The following TMEM161B variants were observed in gnomAD, a reference collection of about 807,000 sequenced individuals.
The protein encoded by TMEM161B is transmembrane protein 161B.
A neutral mutation model predicts 61.8 loss-of-function variants in TMEM161B; 34 were observed. The ratio of observed to expected loss-of-function variants is 0.55; its 90% CI spans 0.42 to 0.73. TMEM161B has a LOEUF of 0.73. Among genes scored for constraint, TMEM161B ranks in the 30% least tolerant of loss-of-function variants. The pLI is 0.00. For synonymous variants in TMEM161B, 167 were observed against 192.8 expected, an observed-to-expected ratio of 0.87 and a Z score of 1.11; for missense variants, 456 against 558.5, an observed-to-expected ratio of 0.82 and a Z score of 1.85.
chr5:88,189,253 T>C (rs1051019835), downstream of TMEM161B, among the ~76,000 whole-genome samples: 2 of 151,922 alleles, frequency 1.3e-5, no homozygotes, highest in African/African-American at 4.8e-5. Flanking sequence ...CTGAAGAAGG[T>C]CAGTTGAAGT....
intron 1 of TMEM161B, among the ~76,000 whole-genome samples, chr5:88,248,923 A>G (rs1024263076): frequency 1.3e-5 from 2 of 152,096 alleles, no homozygotes; most frequent in Non-Finnish European, 2.9e-5. Flanking sequence ...TCTGGCTTTT[A>G]AGCCTTCTTT....
intron 1 of TMEM161B, among the ~76,000 whole-genome samples, chr5:88,261,670 G>GAA (rs376436239): frequency 1.2e-4 from 3 of 25,734 alleles, no homozygotes; most frequent in Non-Finnish European, 2.4e-4. Flanking sequence ...ATACAATGGA[G>GAA]AAAAAAAAAA....
downstream of TMEM161B, among the ~76,000 whole-genome samples, chr5:88,192,069 C>CAA (rs5869419): frequency 0.011 from 1,041 of 90,598 alleles, 32 homozygotes; most frequent in Admixed American, 0.035. Flanking sequence ...TTTAAAGATG[C>CAA]AAAAAAAAAA....
chr5:88,259,410 A>C (rs1349898637), intron 1 of TMEM161B: 2 of 152,224 alleles, frequency 1.3e-5, no homozygotes, highest in East Asian at 3.8e-4. Context: ...AAGTGGAAAG[A>C]AGAGTCCTCA....
Position 88,220,600 on chromosome 5 carries a change from T to C in TMEM161B, c.409A>G (p.Ser137Gly), listed in dbSNP as rs1748729286. 1 of 1,598,098 alleles carries C rather than the reference T, an allele frequency of 6.3e-7. No individual in the cohort carries two copies. The highest frequency in any genetic ancestry group is 8.5e-7 in the Non-Finnish European group (1 of 1,175,544). Reference protein sequence around the residue: ...FMKPTQEMNISLVWCLLVLSF... With the variant: ...FMKPTQEMNIGLVWCLLVLSF... ...AAAACAAGTAGGCACCAGACTAAGC[T>C]GATATTCATTTCCTGTGTAGGCTTC... is the stretch of plus-strand genomic sequence containing the variant. The change falls in exon 5 of 12, where the codon AGC (serine) becomes GGC (glycine). Residue 137 changes from serine (S) to glycine (G), a missense_variant. Ser to Gly is a moderately conservative substitution (Grantham distance 56). Transcript: ENST00000296595.
At chr5:88,255,631 T>C (rs1274809037) in intron 1 of TMEM161B, among the ~76,000 whole-genome samples, 3 of 152,224 alleles carry the variant, frequency 2.0e-5, no homozygotes, top group Non-Finnish European at 4.4e-5. Context: ...CTCAGATTTA[T>C]CTATTTCCAA....
intron 3 of TMEM161B, among the ~76,000 whole-genome samples, chr5:88,227,336 C>T (rs1750225246): frequency 1.3e-5 from 2 of 152,174 alleles, no homozygotes. Flanking sequence ...ATTTGGGCAA[C>T]TCATTTAACA....
intron 1 of TMEM161B, among the ~76,000 whole-genome samples, chr5:88,266,133 T>C (rs943469679): frequency 3.3e-5 from 5 of 152,240 alleles, no homozygotes; most frequent in African/African-American, 1.2e-4. Context: ...TTCTCCTTCA[T>C]TCATAATACA....
At chr5:88,250,047 C>T (rs1217351762) in intron 1 of TMEM161B, among the ~76,000 whole-genome samples, 1 of 152,122 alleles carries the variant, frequency 6.6e-6, no homozygotes, top group Non-Finnish European at 1.5e-5. Flanking sequence ...CATGATAGAA[C>T]AACACAGAAA....
chr5:88,196,711 A>C (rs527569074), intron 11 of TMEM161B, among the ~76,000 whole-genome samples: 24 of 152,184 alleles, frequency 1.6e-4, no homozygotes, highest in Non-Finnish European at 3.4e-4. Context: ...TTAAAGCAAA[A>C]AGTCTGATAT....
chr5:88,268,502 C>T (rs534086255), intron 1 of TMEM161B, among the ~76,000 whole-genome samples: 1 of 152,328 alleles, frequency 6.6e-6, no homozygotes, highest in South Asian at 2.1e-4. Flanking sequence ...GACAGATACG[C>T]CCCTGCCTCC....
At chr5:88,212,377 T>C (rs1746991030) in intron 5 of TMEM161B, among the ~76,000 whole-genome samples, 1 of 152,116 alleles carries the variant, frequency 6.6e-6, no homozygotes, top group Admixed American at 6.5e-5. Context: ...CAAGGACAAG[T>C]AGGACAATTT....
intron 2 of TMEM161B, among the ~76,000 whole-genome samples, chr5:88,235,712 T>C (rs907427258): frequency 3.3e-5 from 5 of 152,192 alleles, no homozygotes; most frequent in African/African-American, 1.2e-4. Context: ...TGGTACTTTG[T>C]AATAGCAGCC....
chr5:88,190,325 A>G (rs1266614077), downstream of TMEM161B: 14 of 694,792 alleles, frequency 2.0e-5, no homozygotes, highest in Middle Eastern at 7.3e-4. Flanking sequence ...GAGATGTAGA[A>G]ATACTGGCCT....
At chr5:88,215,070 G>GA (rs1230054787) in intron 5 of TMEM161B, among the ~76,000 whole-genome samples, 1 of 152,210 alleles carries the variant, frequency 6.6e-6, no homozygotes, top group Non-Finnish European at 1.5e-5. Context: ...AATGACCATG[G>GA]AAGTTAAATA....
At chr5:88,214,475 A>T (rs1436727232) in intron 5 of TMEM161B, among the ~76,000 whole-genome samples, 3 of 152,140 alleles carry the variant, frequency 2.0e-5, no homozygotes, top group Non-Finnish European at 4.4e-5. Flanking sequence ...TATACATTGT[A>T]AAATATTTTC....
chr5:88,258,935 C>T (rs1451249187), intron 1 of TMEM161B, among the ~76,000 whole-genome samples: 1 of 152,140 alleles, frequency 6.6e-6, no homozygotes. Flanking sequence ...AAGTATTAAT[C>T]TTACTTTAAA....
intron 1 of TMEM161B, among the ~76,000 whole-genome samples, chr5:88,263,030 A>C (rs1755883961): frequency 6.6e-6 from 1 of 152,184 alleles, no homozygotes; most frequent in Non-Finnish European, 1.5e-5. Context: ...TGGAAAGTTG[A>C]CAGTAAATAA....
chr5:88,230,261 T>C lies in TMEM161B; in HGVS notation c.108-1733A>G, dbSNP rs145801630. 2.5e-3 allele frequency among the ~76,000 whole-genome samples: 374 copies of C among 152,216 alleles called. 3 individuals carry two copies. Among genetic ancestry groups the C allele is most frequent in the African/African-American group, 8.5e-3 (355 of 41,528 alleles). On this transcript the variant is annotated intron_variant, in intron 2 of 11. Transcript: ENST00000296595. ...GGCAATCTGAGTACCCACTGAATAT[T>C]TGATTACATTAAAAAATTTTAGGTA...
Sources: gnomAD v4.1 joint callset for allele counts (sites outside exome capture counted in the v4.1 genomes callset) on GRCh38, gnomAD v4.1.1 for gene constraint, MANE v1.5 for transcripts, NCBI Gene and HGNC (gene_info 2026-07-23, HGNC 2026-07-21) for gene names.